The following PUM1 variants were observed in gnomAD, a reference collection of about 807,000 sequenced individuals.
The protein encoded by PUM1 is pumilio homolog 1.
PUM1 carries 13 observed loss-of-function variants against 131.8 expected under a neutral mutation model. The observed-to-expected ratio is 0.10, with a 90% CI of 0.06 to 0.16. PUM1 has a LOEUF of 0.16. PUM1 is among the 10% of genes least tolerant of loss of function. PUM1 has a pLI of 1.00. For missense variants in PUM1, 961 were observed against 1,512.4 expected (o/e 0.64, Z 6.05); for synonymous variants, 509 against 556.5 (o/e 0.91, Z 1.20).
At chr1:30,977,576 T>A (rs943327351) in intron 9 of PUM1, among the ~76,000 whole-genome samples, 2 of 152,358 alleles carry the variant, frequency 1.3e-5, no homozygotes, top group East Asian at 3.9e-4. Flanking sequence ...CACATCAGGA[T>A]GCCCACTTCA....
chr1:31,042,255 G>A lies in PUM1; in HGVS notation c.364-13391C>T, dbSNP rs920958121. ...CAGGAGGCAGAGGTTGCAGTGAGCCGAGATTGCACCACTGCACTCCAACCT... is the reference window on the plus strand; with the variant it reads ...CAGGAGGCAGAGGTTGCAGTGAGCCAAGATTGCACCACTGCACTCCAACCT... On this transcript the variant is annotated intron_variant, in intron 2 of 21. Transcript: ENST00000426105. Among the ~76,000 whole-genome samples, 9 of 151,894 alleles carry A rather than the reference G, an allele frequency of 5.9e-5. No individual in the cohort carries two copies. In the South Asian group the frequency reaches 8.3e-4, roughly 14 times the overall value.
chr1:30,938,904 T>TAGAC (rs59153241), intron 20 of PUM1, among the ~76,000 whole-genome samples: 129 of 70,880 alleles, frequency 1.8e-3, no homozygotes, highest in Admixed American at 8.1e-3. Flanking sequence ...GATAGATAGA[T>TAGAC]AGACAGACAG....
intron 2 of PUM1, among the ~76,000 whole-genome samples, chr1:31,049,244 G>A (rs578056987): frequency 2.0e-5 from 3 of 149,294 alleles, no homozygotes; most frequent in South Asian, 2.1e-4. Context: ...GGCTGGGGGC[G>A]GTGGCTCATG....
At chr1:31,038,977 TA>T (rs1643715616) in intron 2 of PUM1, among the ~76,000 whole-genome samples, 7 of 38,954 alleles carry the variant, frequency 1.8e-4, no homozygotes, top group African/African-American at 3.9e-4. Flanking sequence ...TATATATATA[TA>T]TATATATTTT....
intron 21 of PUM1, 142 bp from the exon 22 acceptor site, chr1:30,933,484 A>ACACC (rs1491459248): frequency 4.7e-4 from 332 of 712,240 alleles, no homozygotes; most frequent in South Asian, 1.2e-3. Context: ...ACACACACAC[A>ACACC]CCCCTACAGC....
At chr1:31,050,878 C>A in intron 2 of PUM1, 1 of 250,960 alleles carries the variant, frequency 4.0e-6, no homozygotes, top group South Asian at 4.6e-5. Flanking sequence ...CAAGATGGGT[C>A]ACCAGCAGCT....
At chr1:30,986,518 G>A (rs976269381) in intron 7 of PUM1, among the ~76,000 whole-genome samples, 3 of 151,376 alleles carry the variant, frequency 2.0e-5, no homozygotes, top group South Asian at 2.1e-4. Context: ...ATGATTTTTC[G>A]TAGGCGCATA....
chr1:30,954,780 A>C (rs1256269687), intron 14 of PUM1, among the ~76,000 whole-genome samples: 1 of 152,180 alleles, frequency 6.6e-6, no homozygotes, highest in Non-Finnish European at 1.5e-5. Flanking sequence ...AACATATAGC[A>C]GGCCAGGCGT....
chr1:30,943,221 C>A lies in PUM1; in HGVS notation c.2995-1098G>T, dbSNP rs184872039. Among the ~76,000 whole-genome samples the A allele has an allele frequency of 1.3e-3, 198 of 152,152 alleles. 2 individuals are homozygous for A. Among genetic ancestry groups the A allele is most frequent in the Non-Finnish European group, 2.5e-4 (17 of 68,008 alleles). ...ATGATTCCCATGTTCATTTACAATA[C>A]TGTGAGTTTCTGTAGTTTATTCTGC... On this transcript the variant is annotated intron_variant, in intron 18 of 21. Transcript: ENST00000426105.
At chr1:30,956,395 C>G (rs2211395) in intron 14 of PUM1, among the ~76,000 whole-genome samples, 3 of 152,092 alleles carry the variant, frequency 2.0e-5, no homozygotes, top group African/African-American at 7.2e-5. Flanking sequence ...GTCCAAGTAG[C>G]TGGGACTACA....
At chr1:30,983,415 T>G (rs1186355135) in intron 7 of PUM1, among the ~76,000 whole-genome samples, 1 of 152,196 alleles carries the variant, frequency 6.6e-6, no homozygotes, top group East Asian at 1.9e-4. Context: ...TTTGCCCTAC[T>G]GCAAACAAAA....
At chr1:30,991,380 C>A (rs956642111) in intron 7 of PUM1, among the ~76,000 whole-genome samples, 7 of 152,160 alleles carry the variant, frequency 4.6e-5, no homozygotes, top group Admixed American at 2.0e-4. Flanking sequence ...ATAAACGACA[C>A]AGGAGACTTA....
At chr1:31,005,790 AAAGAGAG>A (rs373170054) in intron 5 of PUM1, 56 bp downstream of exon 5, 9 of 1,336,584 alleles carry the variant, frequency 6.7e-6, no homozygotes, top group South Asian at 3.2e-5. Flanking sequence ...TAGGGGAAAA[AAAGAGAG>A]AGAGAGAGAG....
At chr1:31,058,617 G>A (rs1333754509) in intron 2 of PUM1, among the ~76,000 whole-genome samples, 6 of 142,682 alleles carry the variant, frequency 4.2e-5, no homozygotes, top group South Asian at 4.5e-4. Flanking sequence ...AGCAGAGATC[G>A]CGCCAGTGCA....
intron 3 of PUM1, among the ~76,000 whole-genome samples, chr1:31,023,588 G>A (rs1193524592): frequency 6.6e-6 from 1 of 152,126 alleles, no homozygotes; most frequent in East Asian, 1.9e-4. Context: ...AACTCTGATG[G>A]ACACTTCAGT....
intron 3 of PUM1, among the ~76,000 whole-genome samples, chr1:31,021,256 A>G (rs1643016289): frequency 6.6e-6 from 1 of 152,200 alleles, no homozygotes; most frequent in African/African-American, 2.4e-5. Context: ...CAGCCTGAAT[A>G]TATGCTTTCA....
At chr1:30,979,930 G>C (rs966303077) in intron 9 of PUM1, 132 bp downstream of exon 9, 13 of 634,854 alleles carry the variant, frequency 2.0e-5, no homozygotes, top group Admixed American at 3.3e-5. Context: ...TAAGCTGGCA[G>C]GTAGATGGCA....
Position 30,967,226 on chromosome 1 carries a change from G to A in PUM1, c.1730C>T (p.Ala577Val), listed in dbSNP as rs926478764. Residue 577 changes from alanine to valine, a missense_variant, in exon 12 of 22, where the codon GCT becomes GTT. By Grantham distance (64) the Ala-to-Val change is moderately conservative. Coordinates refer to ENST00000426105, the MANE Select transcript of PUM1 (RefSeq NM_001020658.2). ...VNAGARNGLG[A>V]PVRLVAPAPV... ...GGCAGGAGCTACAAGTCGAACAGGA[G>A]CTCCAAGACCATTTCTCGCGCCTGC... 1.2e-6 allele frequency: 2 copies of A among 1,614,094 alleles called. No homozygotes were observed. The highest frequency in any genetic ancestry group is 1.7e-6 in the Non-Finnish European group (2 of 1,180,004).
intron 3 of PUM1, among the ~76,000 whole-genome samples, chr1:31,011,944 G>A (rs1437009489): frequency 6.6e-6 from 1 of 152,200 alleles, no homozygotes; most frequent in Non-Finnish European, 1.5e-5. Flanking sequence ...AGAGACCCAA[G>A]GAATCAGATG....
Sources: gnomAD v4.1 joint callset for allele counts (sites outside exome capture counted in the v4.1 genomes callset) on GRCh38, gnomAD v4.1.1 for gene constraint, MANE v1.5 for transcripts, NCBI Gene and HGNC (gene_info 2026-07-23, HGNC 2026-07-21) for gene names.